Variants in RIMS1 observed in about 807,000 individuals in gnomAD.
The protein encoded by RIMS1 is regulating synaptic membrane exocytosis protein 1.
A neutral mutation model predicts 214.1 loss-of-function variants in RIMS1; 83 were observed. The ratio of observed to expected loss-of-function variants is 0.39; its 90% CI spans 0.32 to 0.47. The LOEUF is 0.47. Among genes scored for constraint, RIMS1 ranks in the 20% least tolerant of loss-of-function variants. The pLI is 0.99. For missense variants in RIMS1, 2,050 were observed against 2,161.8 expected (o/e 0.95, Z 1.03); for synonymous variants, 793 against 786.8 (o/e 1.01, Z -0.13).
chr6:72,085,140 T>C (rs879810879), intron 2 of RIMS1, among the ~76,000 whole-genome samples: 11 of 152,050 alleles, frequency 7.2e-5, no homozygotes, highest in Non-Finnish European at 1.3e-4. Context: ...AATGCAAAAA[T>C]AAAATGCTTT....
At chr6:72,335,334 G>T (rs978748602) in intron 29 of RIMS1, among the ~76,000 whole-genome samples, 1 of 152,048 alleles carries the variant, frequency 6.6e-6, no homozygotes, top group African/African-American at 2.4e-5. Context: ...TTAGTGTTTG[G>T]TTTTCTGTTC....
Position 72,265,471 on chromosome 6 carries a change from A to G in RIMS1, c.3276A>G (p.Thr1092=). 1 of 1,601,854 alleles carries G rather than the reference A, an allele frequency of 6.2e-7. No individual in the cohort carries two copies. The highest frequency in any genetic ancestry group is 8.5e-7 in the Non-Finnish European group (1 of 1,169,972). The change falls in exon 21 of 34, where the codon ACA becomes ACG. Residue 1092 remains threonine (T), a synonymous_variant. Coordinates refer to ENST00000521978, the MANE Select transcript of RIMS1 (RefSeq NM_014989.7). ...ISLHHECFNS[T]VLRFTDEILV... is the part of the protein sequence containing the mutation. Reference sequence around the variant, plus strand: ...TTCATCATGAATGCTTTAACTCAACAGTATTGAGATTTACTGATGAAATAC... The same window carrying G: ...TTCATCATGAATGCTTTAACTCAACGGTATTGAGATTTACTGATGAAATAC...
intron 1 of RIMS1, among the ~76,000 whole-genome samples, chr6:71,892,568 T>A (rs1770244800): frequency 6.6e-6 from 1 of 151,986 alleles, no homozygotes; most frequent in African/African-American, 2.4e-5. Flanking sequence ...GTACCTGGAG[T>A]TTTCCTTATC....
At chr6:72,261,466 C>T (rs1465864044) in intron 19 of RIMS1, 25 of 973,318 alleles carry the variant, frequency 2.6e-5, no homozygotes, top group African/African-American at 3.5e-5. Context: ...ATGTTAATCT[C>T]ATTACATCTT....
chr6:71,903,280 G>A (rs542771738), intron 1 of RIMS1, among the ~76,000 whole-genome samples: 4 of 152,224 alleles, frequency 2.6e-5, no homozygotes, highest in East Asian at 1.9e-4. Flanking sequence ...AATGATTGGC[G>A]ATGTTGAGCT....
Position 72,392,755 on chromosome 6 carries a change from T to C in RIMS1, c.4563T>C (p.Asp1521=). The C allele has an allele frequency of 6.2e-7, 1 of 1,613,892 alleles. No homozygotes were observed. Among genetic ancestry groups the C allele is most frequent in the Non-Finnish European group, 8.5e-7 (1 of 1,179,826 alleles). ...GADSQFSDFL[D]GLGPAQLVGR... is the part of the protein sequence containing the mutation. The stretch of plus-strand genomic sequence containing the variant: ...ACAGTCAATTCAGTGATTTTCTTGA[T>C]GGATTGGGACCAGCCCAGCTTGTTG... Residue 1521 remains aspartate (D), a synonymous_variant, in exon 31 of 34, where the codon GAT becomes GAC. Coordinates refer to ENST00000521978, the MANE Select transcript of RIMS1 (RefSeq NM_014989.7).
At chr6:71,964,223 G>A (rs542714945) in intron 1 of RIMS1, among the ~76,000 whole-genome samples, 1 of 152,242 alleles carries the variant, frequency 6.6e-6, no homozygotes, top group East Asian at 1.9e-4. Context: ...CAGCAGGAAA[G>A]GTTGGTGCAG....
At chr6:72,265,691 G>T (rs1352316491) in intron 21 of RIMS1, among the ~76,000 whole-genome samples, 188 bp downstream of exon 21, 1 of 151,932 alleles carries the variant, frequency 6.6e-6, no homozygotes, top group Non-Finnish European at 1.5e-5. Context: ...TCATAAGTAG[G>T]TGTGATTTAG....
chr6:72,098,766 T>TAATATG, intron 3 of RIMS1, among the ~76,000 whole-genome samples: 1 of 152,202 alleles, frequency 6.6e-6, no homozygotes, highest in African/African-American at 2.4e-5. Context: ...TTATGATATG[T>TAATATG]ATATTTAATC....
At chr6:72,213,152 A>G (rs1292061166) in intron 6 of RIMS1, 1 of 1,537,026 alleles carries the variant, frequency 6.5e-7, no homozygotes, top group East Asian at 2.4e-5. Context: ...ATGTCTCTTC[A>G]GAAGGGTGGG....
intron 2 of RIMS1, among the ~76,000 whole-genome samples, chr6:72,087,252 T>A (rs1455946268): frequency 6.6e-6 from 1 of 152,248 alleles, no homozygotes; most frequent in African/African-American, 2.4e-5. Context: ...ATTTAGTTTA[T>A]CCCTAAAGAA....
chr6:71,944,827 T>A (rs1192693453), intron 1 of RIMS1, among the ~76,000 whole-genome samples: 1 of 152,198 alleles, frequency 6.6e-6, no homozygotes, highest in Non-Finnish European at 1.5e-5. Flanking sequence ...TTGATATTTA[T>A]CTAGATTATA....
At chr6:72,061,904 A>C (rs1398871380) in intron 2 of RIMS1, among the ~76,000 whole-genome samples, 1 of 152,260 alleles carries the variant, frequency 6.6e-6, no homozygotes, top group Non-Finnish European at 1.5e-5. Context: ...TCATAAATAT[A>C]TTCATGGCAG....
intron 2 of RIMS1, among the ~76,000 whole-genome samples, chr6:71,997,273 A>G (rs1263475595): frequency 1.3e-5 from 2 of 152,178 alleles, no homozygotes; most frequent in African/African-American, 2.4e-5. Context: ...TCATTTTAGA[A>G]TAATAAGAAC....
intron 6 of RIMS1, among the ~76,000 whole-genome samples, chr6:72,214,904 G>A (rs993173346): frequency 3.9e-5 from 6 of 152,024 alleles, no homozygotes; most frequent in African/African-American, 1.4e-4. Flanking sequence ...TGTATTTTTA[G>A]TAGAGATGGG....
chr6:72,068,296 A>G (rs1204419181), intron 2 of RIMS1, among the ~76,000 whole-genome samples: 2 of 151,998 alleles, frequency 1.3e-5, no homozygotes, highest in Admixed American at 1.3e-4. Flanking sequence ...GCTTTTTTTT[A>G]TTGATTTTCA....
chr6:72,144,813 CA>C (rs1334590606), intron 4 of RIMS1, among the ~76,000 whole-genome samples: 1 of 151,608 alleles, frequency 6.6e-6, no homozygotes, highest in Non-Finnish European at 1.5e-5. Flanking sequence ...AAAATGCAGA[CA>C]AAAACTTAAA....
intron 2 of RIMS1, among the ~76,000 whole-genome samples, chr6:71,984,743 G>GTGTACGTA (rs138020718): frequency 6.7e-6 from 1 of 149,004 alleles, no homozygotes; most frequent in East Asian, 2.0e-4. Flanking sequence ...GTATCCATCT[G>GTGTACGTA]TGTATGTATG....
At chr6:72,271,627 T>C (rs2083437782) in intron 22 of RIMS1, among the ~76,000 whole-genome samples, 1 of 152,122 alleles carries the variant, frequency 6.6e-6, no homozygotes, top group Admixed American at 6.6e-5. Flanking sequence ...ACATTTGTTT[T>C]AAAGTTTATC....
Sources: allele counts gnomAD v4.1 joint callset (sites outside exome capture counted in the v4.1 genomes callset), GRCh38; gene constraint gnomAD v4.1.1; transcripts MANE v1.5; gene names NCBI Gene and HGNC (gene_info 2026-07-23, HGNC 2026-07-21).